The following HECW1 variants were observed in gnomAD, a reference collection of about 807,000 sequenced individuals.
HECW1 encodes the protein E3 ubiquitin-protein ligase HECW1.
In HECW1, 61 loss-of-function variants were observed where a neutral mutation model predicts 182.3. The ratio of observed to expected loss-of-function variants is 0.33; its 90% CI spans 0.27 to 0.41. The LOEUF is 0.41. Among genes scored for constraint, HECW1 ranks in the 10% least tolerant of loss-of-function variants. The pLI is 1.00. For synonymous variants in HECW1, 859 were observed against 832.6 expected, an observed-to-expected ratio of 1.03 and a Z score of -0.55; for missense variants, 1,739 against 2,108.9, an observed-to-expected ratio of 0.82 and a Z score of 3.44.
chr7:43,275,708 GCACACACACACA>G (rs146476821), intron 3 of HECW1, among the ~76,000 whole-genome samples: 1 of 146,014 alleles, frequency 6.8e-6, no homozygotes, highest in Non-Finnish European at 1.5e-5. Flanking sequence ...TTATGCGCAC[GCACACACACACA>G]CACACACACA....
intron 3 of HECW1, among the ~76,000 whole-genome samples, chr7:43,266,832 T>A (rs1050567528): frequency 1.3e-5 from 2 of 152,166 alleles, no homozygotes; most frequent in African/African-American, 2.4e-5. Context: ...GCAAAAGGAA[T>A]GATTAAAAGT....
chr7:43,323,602 C>T (rs1013379496), intron 5 of HECW1, among the ~76,000 whole-genome samples: 2 of 152,040 alleles, frequency 1.3e-5, no homozygotes, highest in Non-Finnish European at 2.9e-5. Context: ...GAGACCCTGT[C>T]TCATAAAACA....
intron 2 of HECW1, among the ~76,000 whole-genome samples, chr7:43,183,633 T>C (rs772644912): frequency 5.3e-5 from 8 of 152,200 alleles, no homozygotes; most frequent in Non-Finnish European, 1.0e-4. Flanking sequence ...GTGAAGTCAA[T>C]TGATTTTCAT....
At chr7:43,198,369 TCACA>T (rs941823566) in intron 2 of HECW1, among the ~76,000 whole-genome samples, 5 of 146,848 alleles carry the variant, frequency 3.4e-5, no homozygotes, top group East Asian at 2.1e-4. Flanking sequence ...CCCCACGCTC[TCACA>T]CACACGTCTT....
chr7:43,425,821 C>G (rs1408689277), intron 8 of HECW1, among the ~76,000 whole-genome samples: 3 of 152,150 alleles, frequency 2.0e-5, no homozygotes, highest in African/African-American at 7.2e-5. Flanking sequence ...GACCTAATCA[C>G]CTCTCAAAGG....
intron 29 of HECW1, among the ~76,000 whole-genome samples, chr7:43,556,786 G>A (rs996359873): frequency 3.3e-5 from 5 of 151,976 alleles, no homozygotes; most frequent in African/African-American, 9.7e-5. Context: ...GTTATCTGGG[G>A]TCACAGATTG....
intron 2 of HECW1, among the ~76,000 whole-genome samples, chr7:43,129,165 C>T (rs1786623361): frequency 6.6e-6 from 1 of 152,154 alleles, no homozygotes; most frequent in Non-Finnish European, 1.5e-5. Flanking sequence ...GAAAGAAGTT[C>T]TATTATGGGT....
At chr7:43,297,041 G>C (rs1320322425) in intron 3 of HECW1, among the ~76,000 whole-genome samples, 1 of 152,132 alleles carries the variant, frequency 6.6e-6, no homozygotes, top group Non-Finnish European at 1.5e-5. Flanking sequence ...TAGCTGCCTG[G>C]GCCCCATCCA....
At chr7:43,335,334 C>T (rs374291337) in intron 5 of HECW1, among the ~76,000 whole-genome samples, 2 of 152,320 alleles carry the variant, frequency 1.3e-5, no homozygotes, top group African/African-American at 4.8e-5. Flanking sequence ...AGCTGCTTGA[C>T]ACATATGAAG....
At chr7:43,153,697 G>C (rs6943005) in intron 2 of HECW1, among the ~76,000 whole-genome samples, 111,009 of 152,056 alleles carry the variant, frequency 0.73, 40,816 homozygotes, top group South Asian at 0.87. Flanking sequence ...TTGTCCAGAC[G>C]TCATTTTCCT....
intron 2 of HECW1, among the ~76,000 whole-genome samples, chr7:43,183,193 A>G (rs1027159455): frequency 6.6e-6 from 1 of 152,200 alleles, no homozygotes; most frequent in Non-Finnish European, 1.5e-5. Flanking sequence ...TGACCTCACT[A>G]CTTAGGTTAT....
At chr7:43,216,407 G>A (rs1220509155) in intron 2 of HECW1, among the ~76,000 whole-genome samples, 3 of 152,094 alleles carry the variant, frequency 2.0e-5, no homozygotes, top group African/African-American at 7.2e-5. Context: ...GCTTCCCAAA[G>A]TGCTGGGATT....
In HECW1 at chr7:43,463,226, T is replaced by C. The variant is rs1584984307; in HGVS notation, c.2652-434T>C. ...TATTTCCATGACCTCTGCCCAATTA[T>C]ATCAATTACCCGACAAATAAAACTG... On this transcript the variant is annotated intron_variant, in intron 13 of 29. Coordinates refer to ENST00000395891, the MANE Select transcript of HECW1 (RefSeq NM_015052.5). Among the ~76,000 whole-genome samples the C allele has an allele frequency of 1.3e-5, 2 of 152,272 alleles. 1 individual carries two copies. The highest frequency in any genetic ancestry group is 2.9e-5 in the Non-Finnish European group (2 of 68,048).
chr7:43,315,473 T>TATTATTATG (rs1809110481), intron 4 of HECW1, among the ~76,000 whole-genome samples: 1 of 74,112 alleles, frequency 1.3e-5, no homozygotes, highest in African/African-American at 4.7e-5. Context: ...TTGTTATTAT[T>TATTATTATG]ATTATTATTA....
At position 43,201,288 on chromosome 7, in the gene HECW1, G is replaced by A. The variant is rs565789444; in HGVS notation, c.-31-42587G>A. Among the ~76,000 whole-genome samples the A allele has an allele frequency of 4.6e-5, 7 of 152,326 alleles. No homozygotes were observed. In the East Asian group the frequency reaches 1.2e-3, roughly 25 times the overall value. On this transcript the variant is annotated intron_variant, in intron 2 of 29. Transcript: ENST00000395891. The stretch of plus-strand genomic sequence containing the variant: ...ACAGAGCTCCAGAGAAGGGGGTTTG[G>A]AAGCTGGAAATGCAGATTTCTGAGT...
Position 43,444,079 on chromosome 7 carries a change from A to T in HECW1, c.1046-139A>T. The T allele has an allele frequency of 3.6e-6, 3 of 842,676 alleles. No individual in the cohort carries two copies. Among genetic ancestry groups the T allele is most frequent in the Non-Finnish European group, 5.4e-6 (3 of 557,268 alleles). 52.2% of individuals were successfully genotyped at this position (842,676 alleles called of 1,614,324 possible). ...AGAATTTTTCACTAGAGCTCTGGCCAGTGAGAAACCCTCATCAACCTACAT... is the reference window on the plus strand; with the variant it reads ...AGAATTTTTCACTAGAGCTCTGGCCTGTGAGAAACCCTCATCAACCTACAT... On this transcript the variant is annotated intron_variant, in intron 10 of 29. Coordinates refer to ENST00000395891, the MANE Select transcript of HECW1 (RefSeq NM_015052.5). This position sits in a 1 kb window ranked among gnomAD's most constrained non-coding sequence, Gnocchi z 4.3.
intron 2 of HECW1, among the ~76,000 whole-genome samples, chr7:43,183,824 G>T (rs1383940090): frequency 2.6e-5 from 4 of 152,062 alleles, no homozygotes; most frequent in African/African-American, 9.7e-5. Flanking sequence ...TTTTGCTAAG[G>T]ATAGAATTTT....
intron 2 of HECW1, among the ~76,000 whole-genome samples, chr7:43,238,771 C>T (rs1296601567): frequency 6.6e-6 from 1 of 152,146 alleles, no homozygotes; most frequent in African/African-American, 2.4e-5. Flanking sequence ...AAAGCCTGGA[C>T]TATTTGTCAA....
intron 5 of HECW1, among the ~76,000 whole-genome samples, chr7:43,360,678 A>G (rs1815756531): frequency 6.6e-6 from 1 of 152,232 alleles, no homozygotes; most frequent in African/African-American, 2.4e-5. Flanking sequence ...GGATACAAAA[A>G]TGTTAAGGCC....
Sources: gnomAD v4.1 joint callset for allele counts (sites outside exome capture counted in the v4.1 genomes callset) on GRCh38, gnomAD v4.1.1 for gene constraint, Gnocchi (gnomAD v3.1) non-coding constraint, MANE v1.5 for transcripts, NCBI Gene and HGNC (gene_info 2026-07-23, HGNC 2026-07-21) for gene names.